TNR: variants seen among roughly 807,000 people sequenced by gnomAD.
TNR encodes tenascin R, also known as tenascin-R.
A neutral mutation model predicts 150.4 loss-of-function variants in TNR; 45 were observed. That is an observed-to-expected ratio of 0.30 (90% confidence interval 0.24 to 0.38). The LOEUF is 0.38. Among genes scored for constraint, TNR ranks in the 10% least tolerant of loss-of-function variants. The pLI, the probability that TNR is intolerant of heterozygous loss-of-function variation, is 1.00. For synonymous variants in TNR, 687 were observed against 678.4 expected (o/e 1.01, Z -0.20); for missense variants, 1,544 against 1,759.1 (o/e 0.88, Z 2.19).
chr1:175,663,241 C>G (rs536021990), intron 1 of TNR, among the ~76,000 whole-genome samples: 4 of 152,172 alleles, frequency 2.6e-5, no homozygotes, highest in Admixed American at 2.0e-4. Context: ...GGGACACTGC[C>G]CTCTCTTTTT....
intron 1 of TNR, among the ~76,000 whole-genome samples, chr1:175,665,791 G>A (rs1402716890): frequency 2.0e-5 from 3 of 152,184 alleles, no homozygotes; most frequent in African/African-American, 4.8e-5. Context: ...TTATAGTTCA[G>A]CGAGGAAGTC....
chr1:175,391,532 G>A (rs1169132788), intron 6 of TNR, 94 bp from the exon 7 acceptor site: 1 of 1,387,586 alleles, frequency 7.2e-7, no homozygotes, highest in Admixed American at 2.4e-5. Context: ...ACTAATTGTG[G>A]ATTGTGAATT....
chr1:175,406,207 G>C lies in TNR; in HGVS notation c.499+9C>G. The C allele has an allele frequency of 6.2e-7, 1 of 1,611,876 alleles. No homozygotes were observed. Among genetic ancestry groups the C allele is most frequent in the Non-Finnish European group, 8.5e-7 (1 of 1,178,786 alleles). On this transcript the variant is annotated intron_variant, in intron 3 of 22. Transcript: ENST00000367674. ...TCCTGAGACCACGCTGCGAGCTCCC[G>C]GACTCTACCTGTGGCAGCACTTTCT...
At chr1:175,719,880 T>C (rs1328994830) in intron 1 of TNR, among the ~76,000 whole-genome samples, 1 of 152,220 alleles carries the variant, frequency 6.6e-6, no homozygotes. Flanking sequence ...GGGACCCTGT[T>C]GGAGCCAAGT....
rs774042612 is a variant in TNR, at chr1:175,386,020, C to T, written c.1777+12G>A. 16 of 1,555,872 alleles carry T rather than the reference C, an allele frequency of 1.0e-5. No individual in the cohort carries two copies. The South Asian group carries it at 1.8e-4, about 17-fold the overall frequency. On this transcript the variant is annotated intron_variant, in intron 8 of 22. Transcript: ENST00000367674. ...TCCCTCCTTGTGCGTCTCTCCCCCACCGCAGCCTTACCTGTTGTGAACTGA... is the reference window on the plus strand; with the variant it reads ...TCCCTCCTTGTGCGTCTCTCCCCCATCGCAGCCTTACCTGTTGTGAACTGA...
At chr1:175,623,762 A>G (rs950678040) in intron 1 of TNR, among the ~76,000 whole-genome samples, 1 of 152,232 alleles carries the variant, frequency 6.6e-6, no homozygotes, top group Admixed American at 6.5e-5. Flanking sequence ...CACATGTATG[A>G]TGATAAAATG....
chr1:175,566,779 C>T (rs529288558), intron 1 of TNR, among the ~76,000 whole-genome samples: 3 of 152,320 alleles, frequency 2.0e-5, no homozygotes, highest in Admixed American at 2.0e-4. Flanking sequence ...CTATTCCATC[C>T]CTCTGCAATC....
At chr1:175,704,539 C>T (rs10913062) in intron 1 of TNR, among the ~76,000 whole-genome samples, 9,084 of 152,250 alleles carry the variant, frequency 0.06, 880 homozygotes, top group African/African-American at 0.2. Context: ...CCCTGATCTG[C>T]CAGGAGAGAA....
chr1:175,526,548 G>C (rs1261656924), intron 2 of TNR, among the ~76,000 whole-genome samples: 2 of 152,204 alleles, frequency 1.3e-5, no homozygotes, highest in South Asian at 2.1e-4. Flanking sequence ...AAACCTGTCT[G>C]CAGTACAGAA....
At chr1:175,598,709 G>A (rs529808091) in intron 1 of TNR, among the ~76,000 whole-genome samples, 1 of 152,298 alleles carries the variant, frequency 6.6e-6, no homozygotes, top group East Asian at 1.9e-4. Flanking sequence ...TTTCTAGAAG[G>A]ACAGAATATG....
chr1:175,547,605 GAAAGAAACAAAGAAAC>G (rs777097355), intron 1 of TNR, among the ~76,000 whole-genome samples: 3,370 of 21,662 alleles, frequency 0.16, 76 homozygotes, highest in Non-Finnish European at 0.19. Context: ...AAGAAAGAAA[GAAAGAAACAAAGAAAC>G]AAAGAAAGAA....
At chr1:175,554,105 C>T (rs1661055872) in intron 1 of TNR, among the ~76,000 whole-genome samples, 1 of 152,086 alleles carries the variant, frequency 6.6e-6, no homozygotes, top group Admixed American at 6.6e-5. Flanking sequence ...TTTCAAAGGC[C>T]CGCTGCATAT....
intron 2 of TNR, among the ~76,000 whole-genome samples, chr1:175,437,381 T>C (rs1192907003): frequency 1.3e-5 from 2 of 152,218 alleles, no homozygotes; most frequent in East Asian, 1.9e-4. Context: ...CAAAGCAGTG[T>C]GTAGAGGGAA....
chr1:175,502,793 A>T (rs1375562220), intron 2 of TNR, among the ~76,000 whole-genome samples: 1 of 152,220 alleles, frequency 6.6e-6, no homozygotes, highest in African/African-American at 2.4e-5. Context: ...GAATTTTAGA[A>T]GATGGTATAT....
At chr1:175,377,459 GTTTT>G (rs60693271) in intron 9 of TNR, among the ~76,000 whole-genome samples, 4 of 121,118 alleles carry the variant, frequency 3.3e-5, no homozygotes, top group Non-Finnish European at 3.4e-5. Context: ...TCATTTCAGG[GTTTT>G]TTTTTTTTTT....
chr1:175,544,675 T>A (rs1391608497), intron 1 of TNR, among the ~76,000 whole-genome samples: 1 of 152,128 alleles, frequency 6.6e-6, no homozygotes, highest in African/African-American at 2.4e-5. Flanking sequence ...AGCAAGAAGC[T>A]CTTGAGGACA....
At chr1:175,413,036 T>C (rs1292745121) in intron 2 of TNR, among the ~76,000 whole-genome samples, 1 of 152,042 alleles carries the variant, frequency 6.6e-6, no homozygotes, top group Admixed American at 6.6e-5. Context: ...ACTTTTTTCT[T>C]TTTTTTTGAG....
intron 2 of TNR, among the ~76,000 whole-genome samples, chr1:175,504,642 G>A (rs1468116153): frequency 1.3e-5 from 2 of 152,142 alleles, no homozygotes; most frequent in Non-Finnish European, 2.9e-5. Context: ...CCCAAGGCAA[G>A]TGAGTCCTGC....
At chr1:175,353,591 A>G (rs903636249) in intron 18 of TNR, among the ~76,000 whole-genome samples, 6 of 152,200 alleles carry the variant, frequency 3.9e-5, no homozygotes, top group African/African-American at 1.4e-4. Flanking sequence ...CCTTGGTTTC[A>G]TCACCTGTGG....
Sources: allele counts gnomAD v4.1 joint callset (sites outside exome capture counted in the v4.1 genomes callset), GRCh38; gene constraint gnomAD v4.1.1; transcripts MANE v1.5; gene names NCBI Gene and HGNC (gene_info 2026-07-23, HGNC 2026-07-21).